The following RNF217 variants were observed in gnomAD, a reference collection of about 807,000 sequenced individuals.
RNF217 encodes the protein ring finger protein 217, also known as E3 ubiquitin-protein ligase RNF217.
RNF217 carries 31 observed loss-of-function variants against 57.8 expected under a neutral mutation model. The observed-to-expected ratio is 0.54, with a 90% CI of 0.40 to 0.72. The LOEUF is 0.72. Ranked by LOEUF, RNF217 falls within the 30% of genes least tolerant of loss-of-function variation. The pLI, the probability that RNF217 is intolerant of heterozygous loss-of-function variation, is 0.00. For missense variants in RNF217, 696 were observed against 708.3 expected (o/e 0.98, Z 0.20); for synonymous variants, 313 against 294.0 (o/e 1.06, Z -0.66).
chr6:125,000,889 T>C (rs1042470160), intron 1 of RNF217, among the ~76,000 whole-genome samples: 17 of 152,098 alleles, frequency 1.1e-4, no homozygotes, highest in African/African-American at 3.9e-4. Context: ...ACCACAGGGA[T>C]TTTTTATTCT....
intron 1 of RNF217, among the ~76,000 whole-genome samples, chr6:125,013,515 C>T (rs1328535751): frequency 6.7e-6 from 1 of 149,510 alleles, no homozygotes; most frequent in Non-Finnish European, 1.5e-5. Flanking sequence ...GAAGGTCAAG[C>T]AGGTACCACA....
At chr6:125,082,671 G>T in intron 5 of RNF217, 193 bp from the exon 6 acceptor site, 1 of 1,469,656 alleles carries the variant, frequency 6.8e-7, no homozygotes. Flanking sequence ...GTATCACTGA[G>T]GGTGCTAAAG....
intron 1 of RNF217, among the ~76,000 whole-genome samples, chr6:125,023,568 A>G (rs1360206424): frequency 1.3e-5 from 2 of 152,174 alleles, no homozygotes; most frequent in Non-Finnish European, 2.9e-5. Context: ...GAATCTCACT[A>G]TTGCATCTAT....
intron 2 of RNF217, among the ~76,000 whole-genome samples, chr6:125,051,184 C>T (rs933176016): frequency 1.3e-5 from 2 of 151,902 alleles, no homozygotes; most frequent in Non-Finnish European, 1.5e-5. Context: ...TTTTAGCCTA[C>T]ACTTCACCTA....
intron 1 of RNF217, among the ~76,000 whole-genome samples, chr6:125,038,169 A>G (rs1786722871): frequency 6.6e-6 from 1 of 152,162 alleles, no homozygotes; most frequent in Non-Finnish European, 1.5e-5. Context: ...TTTCCTTTCA[A>G]GCATGGAAAT....
intron 1 of RNF217, among the ~76,000 whole-genome samples, chr6:124,978,317 G>A (rs933750176): frequency 7.3e-5 from 11 of 151,718 alleles, no homozygotes; most frequent in Non-Finnish European, 5.9e-5. Flanking sequence ...TGCTTAGCCC[G>A]GCAGGCTGCA....
In RNF217 at chr6:125,089,336, G is replaced by A. The variant is rs946117495; in HGVS notation, c.*6399G>A. On this transcript the variant is annotated 3_prime_UTR_variant, in exon 6 of 6. Transcript: ENST00000521654. ...TGGACATTCATCCAACCTGACCCCA[G>A]GTCATTCATTCTCCATCCAAAAAGG... 8.5e-5 allele frequency: 13 copies of A among 152,092 alleles called. No homozygotes were observed. The highest frequency in any genetic ancestry group is 1.6e-4 in the Non-Finnish European group (11 of 68,012). The allele number at this position is 152,092 out of a possible 1,614,324, so 9.4% of individuals were successfully genotyped here.
chr6:125,017,824 A>G (rs1785669870), intron 1 of RNF217, among the ~76,000 whole-genome samples: 1 of 152,250 alleles, frequency 6.6e-6, no homozygotes. Flanking sequence ...TGATACAAGC[A>G]TAGCATAATA....
intron 1 of RNF217, among the ~76,000 whole-genome samples, chr6:124,984,345 G>T (rs963076314): frequency 1.3e-5 from 2 of 151,914 alleles, no homozygotes; most frequent in Non-Finnish European, 2.9e-5. Flanking sequence ...CCAAGTGTTC[G>T]ACAGCAACCC....
chr6:124,963,526 G>A, intron 1 of RNF217, 100 bp downstream of exon 1: 1 of 1,332,832 alleles, frequency 7.5e-7, no homozygotes, highest in Non-Finnish European at 9.9e-7. Context: ...AGAGGTGACC[G>A]ACACACTTAC....
At position 125,081,476 on chromosome 6, in the gene RNF217, AT is replaced by A. The variant is rs762086326; in HGVS notation, c.1526del (p.Leu509TrpfsTer3). 3.1e-6 allele frequency: 5 copies of A among 1,611,622 alleles called. No homozygotes were observed. Among genetic ancestry groups the A allele is most frequent in the Non-Finnish European group, 3.4e-6 (4 of 1,178,412 alleles). On this transcript the variant is annotated frameshift_variant, in exon 5 of 6. Coordinates refer to ENST00000521654, the MANE Select transcript of RNF217 (RefSeq NM_001286398.3). LOFTEE classifies it high-confidence loss of function. ...TTGCACCTCTAATTATGGTTTTGGG[AT>A]TGGCACTAGGGGCCATAGCGGTTGT... ...FIAPLIMVLG[L>X]ALGAIAVVIG...
At chr6:124,969,660 T>C (rs116164916) in intron 1 of RNF217, among the ~76,000 whole-genome samples, 1,885 of 152,302 alleles carry the variant, frequency 0.012, 32 homozygotes, top group African/African-American at 0.043. Flanking sequence ...ACTTATTACA[T>C]ACAAGGCACT....
chr6:125,017,612 A>G (rs762489277), intron 1 of RNF217, among the ~76,000 whole-genome samples: 1 of 152,208 alleles, frequency 6.6e-6, no homozygotes, highest in African/African-American at 2.4e-5. Flanking sequence ...ACTTGATACT[A>G]GGATTATCTG....
intron 2 of RNF217, among the ~76,000 whole-genome samples, chr6:125,057,294 G>C (rs954807000): frequency 1.3e-5 from 2 of 151,926 alleles, no homozygotes; most frequent in African/African-American, 4.8e-5. Flanking sequence ...GTCATGTCTC[G>C]TGTCATCCTC....
intron 3 of RNF217, among the ~76,000 whole-genome samples, chr6:125,068,754 A>T (rs1211153627): frequency 6.6e-6 from 1 of 152,236 alleles, no homozygotes; most frequent in Non-Finnish European, 1.5e-5. Context: ...AATGAAAGAC[A>T]GCTAGATGTT....
At chr6:124,979,150 C>T (rs890356697) in intron 1 of RNF217, among the ~76,000 whole-genome samples, 1 of 152,138 alleles carries the variant, frequency 6.6e-6, no homozygotes, top group Non-Finnish European at 1.5e-5. Context: ...GCTTGAAGGT[C>T]GGGTTTCACC....
intron 3 of RNF217, among the ~76,000 whole-genome samples, chr6:125,065,016 C>T (rs975209840): frequency 4.0e-5 from 6 of 151,864 alleles, no homozygotes; most frequent in Non-Finnish European, 7.4e-5. Context: ...GCAATCACGC[C>T]GGTAATCCCA....
At chr6:125,059,519 A>G (rs947752720) in intron 3 of RNF217, among the ~76,000 whole-genome samples, 1 of 152,182 alleles carries the variant, frequency 6.6e-6, no homozygotes, top group Admixed American at 6.5e-5. Flanking sequence ...TCATAAGTGC[A>G]TTTTATATCC....
At chr6:124,997,167 A>G (rs1375142561) in intron 1 of RNF217, among the ~76,000 whole-genome samples, 1 of 152,190 alleles carries the variant, frequency 6.6e-6, no homozygotes, top group Non-Finnish European at 1.5e-5. Context: ...CAGGCATAGA[A>G]AAGAGAATCC....
Sources: allele counts gnomAD v4.1 joint callset (sites outside exome capture counted in the v4.1 genomes callset), GRCh38; gene constraint gnomAD v4.1.1; transcripts MANE v1.5; gene names NCBI Gene and HGNC (gene_info 2026-07-23, HGNC 2026-07-21).